CCDC91: variants seen among roughly 807,000 people sequenced by gnomAD.
The protein encoded by CCDC91 is coiled-coil domain-containing protein 91.
Under a neutral mutation model 63.2 loss-of-function variants are expected in CCDC91, and 48 were observed. The ratio of observed to expected loss-of-function variants is 0.76; its 90% confidence interval spans 0.60 to 0.97. The LOEUF (loss-of-function observed/expected upper bound fraction) is 0.97. Ranked by LOEUF, CCDC91 falls within the 50% of genes least tolerant of loss-of-function variation. The pLI, the probability that CCDC91 is intolerant of heterozygous loss-of-function variation, is 0.00. For synonymous variants in CCDC91, 167 were observed against 165.8 expected (o/e 1.01, Z -0.06); for missense variants, 500 against 494.6 (o/e 1.01, Z -0.10).
At chr12:28,326,766 T>C (rs542573094) in intron 6 of CCDC91, among the ~76,000 whole-genome samples, 1 of 152,174 alleles carries the variant, frequency 6.6e-6, no homozygotes, top group Admixed American at 6.5e-5. Flanking sequence ...TGATGATAAA[T>C]GAAACCGGCT....
At chr12:28,229,194 C>CT (rs532627199) in intron 1 of CCDC91, among the ~76,000 whole-genome samples, 288 of 142,346 alleles carry the variant, frequency 2.0e-3, no homozygotes, top group Non-Finnish European at 2.8e-3. Context: ...GCTGCTGCTG[C>CT]TTTTTTTTTT....
intron 12 of CCDC91, among the ~76,000 whole-genome samples, chr12:28,493,387 C>T (rs1397244500): frequency 6.6e-6 from 1 of 151,660 alleles, no homozygotes; most frequent in African/African-American, 2.4e-5. Context: ...GTATACCTTT[C>T]TGTTTTTACA....
intron 3 of CCDC91, chr12:28,304,525 A>G: frequency 2.8e-6 from 1 of 363,278 alleles, no homozygotes; most frequent in South Asian, 2.8e-5. Flanking sequence ...CTACATAATA[A>G]AAGTGTGTAT....
intron 1 of CCDC91, among the ~76,000 whole-genome samples, chr12:28,208,390 A>G (rs1942997028): frequency 6.6e-6 from 1 of 152,228 alleles, no homozygotes; most frequent in Non-Finnish European, 1.5e-5. Flanking sequence ...ATTTTGGAAC[A>G]TATATTAATA....
intron 3 of CCDC91, among the ~76,000 whole-genome samples, chr12:28,293,667 C>A (rs1048138040): frequency 6.6e-6 from 1 of 151,956 alleles, no homozygotes; most frequent in African/African-American, 2.4e-5. Context: ...TTTCATCTCT[C>A]TGTCTCTTTT....
chr12:28,338,553 C>G (rs760701373), intron 6 of CCDC91, among the ~76,000 whole-genome samples: 3 of 151,856 alleles, frequency 2.0e-5, no homozygotes, highest in Admixed American at 2.0e-4. Context: ...TAGAGAGATA[C>G]CAGGGGGCCA....
chr12:28,254,759 A>T (rs1335916553), intron 1 of CCDC91, among the ~76,000 whole-genome samples: 6 of 150,364 alleles, frequency 4.0e-5, no homozygotes, highest in Non-Finnish European at 7.4e-5. Flanking sequence ...AATAAAAGGA[A>T]GAGTATCATC....
chr12:28,287,607 G>A (rs1262073037), intron 3 of CCDC91, among the ~76,000 whole-genome samples: 4 of 152,134 alleles, frequency 2.6e-5, no homozygotes, highest in Non-Finnish European at 5.9e-5. Context: ...TTTGGTTACT[G>A]TAGTCCTCCT....
intron 1 of CCDC91, among the ~76,000 whole-genome samples, chr12:28,245,509 T>G (rs1340454173): frequency 6.6e-6 from 1 of 152,146 alleles, no homozygotes; most frequent in African/African-American, 2.4e-5. Flanking sequence ...AGATTAAGAA[T>G]TTCTGTTCAT....
intron 3 of CCDC91, among the ~76,000 whole-genome samples, chr12:28,271,749 C>T (rs1044161510): frequency 1.3e-5 from 2 of 151,568 alleles, no homozygotes; most frequent in African/African-American, 4.8e-5. Flanking sequence ...TATCTTTAGC[C>T]TCCTCTTGAA....
At chr12:28,267,436 T>C (rs1440690788) in intron 3 of CCDC91, among the ~76,000 whole-genome samples, 2 of 151,114 alleles carry the variant, frequency 1.3e-5, no homozygotes, top group Non-Finnish European at 3.0e-5. Context: ...TTCTTGCCGT[T>C]ACAAACAGAC....
At chr12:28,293,121 A>G (rs190047286) in intron 3 of CCDC91, among the ~76,000 whole-genome samples, 1 of 152,346 alleles carries the variant, frequency 6.6e-6, no homozygotes, top group East Asian at 1.9e-4. Context: ...AATATACATT[A>G]TAAAAAGATT....
At chr12:28,391,462 T>A (rs769104669) in intron 8 of CCDC91, 51 bp downstream of exon 8, 1 of 1,091,736 alleles carries the variant, frequency 9.2e-7, no homozygotes, top group Non-Finnish European at 1.4e-6. Flanking sequence ...CCTGACTCTC[T>A]CCCCTGAGAG....
At position 28,418,286 on chromosome 12, in the gene CCDC91, G is replaced by A. The variant is rs192234917; in HGVS notation, c.762+26875G>A. Among the ~76,000 whole-genome samples the A allele has an allele frequency of 2.8e-4, 43 of 152,148 alleles. No homozygotes were observed. The East Asian group carries it at 5.8e-3, about 20-fold the overall frequency. Reference sequence around the variant, plus strand: ...AATTTATGAAAAATTTACCAAAAACGTAATTTGTAGTAGAAACTGACAACA... The same window carrying A: ...AATTTATGAAAAATTTACCAAAAACATAATTTGTAGTAGAAACTGACAACA... On this transcript the variant is annotated intron_variant, in intron 8 of 12. Transcript: ENST00000536442.
chr12:28,306,118 A>G (rs1938698064), intron 4 of CCDC91, among the ~76,000 whole-genome samples: 1 of 152,120 alleles, frequency 6.6e-6, no homozygotes, highest in Non-Finnish European at 1.5e-5. Flanking sequence ...ACAAAGAAGA[A>G]TAAGTATTTC....
chr12:28,424,003 A>G (rs1448338276), intron 8 of CCDC91, among the ~76,000 whole-genome samples: 7 of 152,136 alleles, frequency 4.6e-5, no homozygotes, highest in African/African-American at 1.7e-4. Flanking sequence ...AGATTGTTTT[A>G]TGGAACTTCA....
intron 8 of CCDC91, among the ~76,000 whole-genome samples, chr12:28,428,837 T>G (rs1035034195): frequency 1.4e-4 from 21 of 152,108 alleles, no homozygotes; most frequent in African/African-American, 4.8e-4. Context: ...AAGGTTTTTG[T>G]GAGTGAACAG....
chr12:28,243,468 A>C (rs773276436), intron 1 of CCDC91, among the ~76,000 whole-genome samples: 3 of 152,324 alleles, frequency 2.0e-5, no homozygotes, highest in Admixed American at 2.0e-4. Context: ...TATAACATCA[A>C]ACAGGTAGCA....
At chr12:28,201,104 ACGGGGCGGCTGGCCGGG>A (rs1242213288) in intron 1 of CCDC91, among the ~76,000 whole-genome samples, 1 of 148,634 alleles carries the variant, frequency 6.7e-6, no homozygotes, top group Non-Finnish European at 1.5e-5. Flanking sequence ...CACCTCCCGG[ACGGGGCGGCTGGCCGGG>A]CGGGGGGCTG....
Sources: gnomAD v4.1 joint callset for allele counts (sites outside exome capture counted in the v4.1 genomes callset) on GRCh38, gnomAD v4.1.1 for gene constraint, MANE v1.5 for transcripts, NCBI Gene and HGNC (gene_info 2026-07-23, HGNC 2026-07-21) for gene names.